GPD1L: variants seen among roughly 807,000 people sequenced by gnomAD.
The protein encoded by GPD1L is glycerol-3-phosphate dehydrogenase 1 like, also known as glycerol-3-phosphate dehydrogenase 1-like protein.
In GPD1L, 17 loss-of-function variants were observed where a neutral mutation model predicts 32.9. The observed-to-expected ratio is 0.52, with a 90% CI of 0.35 to 0.78. GPD1L has a LOEUF of 0.78. Among genes scored for constraint, GPD1L ranks in the 30% least tolerant of loss-of-function variants. The pLI, the probability that GPD1L is intolerant of heterozygous loss-of-function variation, is 0.01. For synonymous variants in GPD1L, 187 were observed against 165.9 expected (o/e 1.13, Z -0.98); for missense variants, 361 against 447.8 (o/e 0.81, Z 1.75).
At chr3:32,117,366 G>C (rs1700346583) in intron 1 of GPD1L, among the ~76,000 whole-genome samples, 1 of 152,218 alleles carries the variant, frequency 6.6e-6, no homozygotes, top group African/African-American at 2.4e-5. Context: ...GCAAGTATGA[G>C]GAAGGTGGAC....
intron 1 of GPD1L, among the ~76,000 whole-genome samples, chr3:32,127,716 C>T (rs939902649): frequency 8.5e-5 from 13 of 152,208 alleles, no homozygotes; most frequent in African/African-American, 3.1e-4. Flanking sequence ...CACAGTTTAT[C>T]TTACCACAGG....
chr3:32,132,833 G>T (rs1342532992), intron 2 of GPD1L, among the ~76,000 whole-genome samples: 1 of 152,186 alleles, frequency 6.6e-6, no homozygotes, highest in Non-Finnish European at 1.5e-5. Context: ...GAATCCAGGC[G>T]ATGGATAGCT....
Position 32,127,927 on chromosome 3 carries a change from A to C in GPD1L, c.48-149A>C, listed in dbSNP as rs1431818018. On this transcript the variant is annotated intron_variant, in intron 1 of 7. Coordinates refer to ENST00000282541, the MANE Select transcript of GPD1L (RefSeq NM_015141.4). The stretch of plus-strand genomic sequence containing the variant: ...TCCATGTGAAAACAACTAAGTTTCA[A>C]ATGGCTTGGGGCTGATACACGTCAC... The C allele has an allele frequency of 9.1e-6, 6 of 659,854 alleles. No homozygotes were observed. The Admixed American group carries it at 1.5e-4, about 16-fold the overall frequency. The allele number at this position is 659,854 out of a possible 1,614,324, so 40.9% of individuals were successfully genotyped here. A position where few individuals can be genotyped will look rare whatever the true frequency, so the allele number is the denominator to read the frequency against.
chr3:32,156,690 T>G (rs767484129), intron 5 of GPD1L, among the ~76,000 whole-genome samples: 5 of 152,144 alleles, frequency 3.3e-5, no homozygotes, highest in Admixed American at 6.5e-5. Flanking sequence ...TGACCAAGTC[T>G]GTTTGTCATG....
At chr3:32,148,230 A>T (rs980848616) in intron 5 of GPD1L, among the ~76,000 whole-genome samples, 1 of 152,158 alleles carries the variant, frequency 6.6e-6, no homozygotes, top group Non-Finnish European at 1.5e-5. Context: ...AAGCTGTGAA[A>T]CCCTGCCCAG....
intron 4 of GPD1L, among the ~76,000 whole-genome samples, chr3:32,143,937 G>A (rs1384537616): frequency 2.0e-5 from 3 of 151,938 alleles, no homozygotes; most frequent in African/African-American, 4.8e-5. Context: ...AGCAGTGATC[G>A]CACCATGGCA....
At chr3:32,143,533 G>C (rs1487147818) in intron 4 of GPD1L, among the ~76,000 whole-genome samples, 1 of 152,134 alleles carries the variant, frequency 6.6e-6, no homozygotes, top group Non-Finnish European at 1.5e-5. Context: ...GAGTGTCCCA[G>C]AATAAAAAGG....
In GPD1L at chr3:32,166,447, G is replaced by A. The variant is rs1300818530; in HGVS notation, c.*537G>A. 6.2e-6 allele frequency: 1 copy of A among 161,856 alleles called. No homozygotes were observed. The highest frequency in any genetic ancestry group is 1.3e-5 in the Non-Finnish European group (1 of 74,160). The allele number at this position is 161,856 out of a possible 1,614,324, so 10.0% of individuals were successfully genotyped here. ...CTGACCTTTGTTTTTTTAACAATCA[G>A]GCATTTTTAATTAGATAATCCACTC... On this transcript the variant is annotated 3_prime_UTR_variant, in exon 8 of 8. Transcript: ENST00000282541.
rs576344645 is a variant in GPD1L at position 32,167,995 on chromosome 3, G to A, written c.*2085G>A. On this transcript the variant is annotated 3_prime_UTR_variant, in exon 8 of 8. Coordinates refer to ENST00000282541, the MANE Select transcript of GPD1L (RefSeq NM_015141.4). ...AAGTTACTTTAAAAGATATATAAAG[G>A]GCTGTAAGCTAATTGTGGTGTCTAG... 6.6e-6 allele frequency: 1 copy of A among 152,176 alleles called. No homozygotes were observed. Among genetic ancestry groups the A allele is most frequent in the South Asian group, 2.1e-4 (1 of 4,810 alleles). The allele number at this position is 152,176 out of a possible 1,614,324, so 9.4% of individuals were successfully genotyped here. A position where few individuals can be genotyped will look rare whatever the true frequency, so the allele number is the denominator to read the frequency against.
At chr3:32,153,748 T>C (rs997149461) in intron 5 of GPD1L, among the ~76,000 whole-genome samples, 1 of 152,158 alleles carries the variant, frequency 6.6e-6, no homozygotes, top group Non-Finnish European at 1.5e-5. Context: ...GTGGTGAGAA[T>C]GTTTATGTAA....
At chr3:32,159,485 A>AT in intron 6 of GPD1L, 83 bp from the exon 7 acceptor site, 1 of 954,216 alleles carries the variant, frequency 1.0e-6, no homozygotes, top group Admixed American at 2.4e-5. Context: ...AAAAAAGAAA[A>AT]AAAACACTTA....
chr3:32,140,918 A>T (rs1700733578), intron 4 of GPD1L, among the ~76,000 whole-genome samples: 1 of 152,212 alleles, frequency 6.6e-6, no homozygotes. Context: ...CTACTCTTAC[A>T]CATTATACAT....
At chr3:32,137,855 A>G (rs937161288) in intron 2 of GPD1L, among the ~76,000 whole-genome samples, 2 of 152,068 alleles carry the variant, frequency 1.3e-5, no homozygotes, top group Admixed American at 6.6e-5. Context: ...CTCAAAGGAG[A>G]GTTTAGTGTG....
chr3:32,157,787 G>T (rs575127382), intron 5 of GPD1L, among the ~76,000 whole-genome samples: 3 of 152,274 alleles, frequency 2.0e-5, no homozygotes, highest in African/African-American at 7.2e-5. Context: ...AATGGGTATG[G>T]CTGGGTTCCC....
chr3:32,158,479 C>A, intron 5 of GPD1L: 1 of 309,006 alleles, frequency 3.2e-6, no homozygotes, highest in East Asian at 8.6e-5. Context: ...TGTGAAAATT[C>A]TTCAATCCGT....
intron 5 of GPD1L, among the ~76,000 whole-genome samples, chr3:32,150,855 C>T (rs972063766): frequency 5.3e-5 from 8 of 152,038 alleles, no homozygotes; most frequent in South Asian, 2.1e-4. Flanking sequence ...TTTGGGAGGC[C>T]GAGGTGGGAA....
intron 5 of GPD1L, among the ~76,000 whole-genome samples, chr3:32,157,921 G>C (rs996039236): frequency 1.3e-5 from 2 of 152,218 alleles, no homozygotes; most frequent in African/African-American, 2.4e-5. Flanking sequence ...GCCATGCAGA[G>C]AGTGAGTGCT....
chr3:32,111,389 A>C (rs1325279676), intron 1 of GPD1L, among the ~76,000 whole-genome samples: 1 of 152,172 alleles, frequency 6.6e-6, no homozygotes, highest in African/African-American at 2.4e-5. Context: ...TGGGTCTCCC[A>C]CTTGGCAGCT....
intron 1 of GPD1L, among the ~76,000 whole-genome samples, chr3:32,107,475 A>G (rs1407441191): frequency 1.3e-5 from 2 of 152,122 alleles, no homozygotes; most frequent in Admixed American, 6.5e-5. Flanking sequence ...ACACTGTGGG[A>G]TTCTCTGGTG....
Sources: gnomAD v4.1 joint callset for allele counts (sites outside exome capture counted in the v4.1 genomes callset) on GRCh38, gnomAD v4.1.1 for gene constraint, MANE v1.5 for transcripts, NCBI Gene and HGNC (gene_info 2026-07-23, HGNC 2026-07-21) for gene names.